Variants in CDH18 observed in about 807,000 individuals in gnomAD.
The protein encoded by CDH18 is cadherin 18, also known as cadherin-18.
Under a neutral mutation model 67.9 loss-of-function variants are expected in CDH18, and 31 were observed. That is an observed-to-expected ratio of 0.46 (90% CI 0.34 to 0.62). The LOEUF (loss-of-function observed/expected upper bound fraction) is 0.62. Among genes scored for constraint, CDH18 ranks in the 20% least tolerant of loss-of-function variants. The probability of loss-of-function intolerance (pLI) is 0.01; values close to 1 mark genes in which losing one functional copy is unlikely to be tolerated. For synonymous variants in CDH18, 362 were observed against 347.2 expected (o/e 1.04, Z -0.48); for missense variants, 890 against 975.5 (o/e 0.91, Z 1.17).
At chr5:19,661,067 A>G (rs1399922563) in intron 5 of CDH18, among the ~76,000 whole-genome samples, 1 of 152,054 alleles carries the variant, frequency 6.6e-6, no homozygotes, top group Non-Finnish European at 1.5e-5. Flanking sequence ...AAAACAAAAG[A>G]CAAAGATAAA....
At chr5:20,471,653 T>C (rs75865917) in intron 1 of CDH18, among the ~76,000 whole-genome samples, 6,833 of 151,078 alleles carry the variant, frequency 0.045, 162 homozygotes, top group Non-Finnish European at 0.052. Flanking sequence ...TACAAAAAAA[T>C]TAGCTGGGTA....
intron 2 of CDH18, among the ~76,000 whole-genome samples, chr5:20,032,211 T>C (rs1739462653): frequency 6.6e-6 from 1 of 151,450 alleles, no homozygotes; most frequent in African/African-American, 2.4e-5. Flanking sequence ...TGTGTATGTG[T>C]ATTATATATG....
At chr5:20,403,089 A>G (rs1348192394) in intron 1 of CDH18, among the ~76,000 whole-genome samples, 1 of 151,838 alleles carries the variant, frequency 6.6e-6, no homozygotes, top group Non-Finnish European at 1.5e-5. Context: ...AGGCTGAGGC[A>G]TGGTAATTGT....
At chr5:20,541,270 A>C (rs1757034155) in intron 1 of CDH18, among the ~76,000 whole-genome samples, 2 of 152,154 alleles carry the variant, frequency 1.3e-5, no homozygotes, top group South Asian at 2.1e-4. Context: ...GCCTACTTAG[A>C]AAGCTTTTTT....
rs145469360 is a variant in CDH18, at chr5:20,553,035, G to A, written c.-580+22427C>T. Reference sequence around the variant, plus strand: ...CCCAAAGTGCTGGGATTACAGGAGTGAGCCACCATGCCTGGCTTATCTTAG... The same window carrying A: ...CCCAAAGTGCTGGGATTACAGGAGTAAGCCACCATGCCTGGCTTATCTTAG... On this transcript the variant is annotated intron_variant, in intron 1 of 14. Transcript: ENST00000507958. Among the ~76,000 whole-genome samples the A allele has an allele frequency of 9.9e-3, 1,500 of 152,270 alleles. 20 individuals carry two copies. Among genetic ancestry groups the A allele is most frequent in the African/African-American group, 0.034 (1,401 of 41,578 alleles).
At chr5:20,317,441 C>T (rs571307927) in intron 1 of CDH18, among the ~76,000 whole-genome samples, 35 of 152,110 alleles carry the variant, frequency 2.3e-4, no homozygotes, top group African/African-American at 8.4e-4. Flanking sequence ...TTTGCTCTGG[C>T]TTTTGAAGAG....
intron 1 of CDH18, among the ~76,000 whole-genome samples, chr5:20,376,091 A>ATTTTTTTTTTTTTTTTT (rs562655039): frequency 0.028 from 1,404 of 49,706 alleles, 436 homozygotes; most frequent in African/African-American, 0.076. Context: ...AAAAGAAACA[A>ATTTTTTTTTTTTTTTTT]TTTTTTTTTT....
At chr5:20,451,152 T>C (rs1283647061) in intron 1 of CDH18, among the ~76,000 whole-genome samples, 1 of 152,230 alleles carries the variant, frequency 6.6e-6, no homozygotes, top group African/African-American at 2.4e-5. Flanking sequence ...TTTCTAATAG[T>C]AACATTTCTT....
intron 2 of CDH18, among the ~76,000 whole-genome samples, chr5:20,172,214 A>ATATATATATACGTGTATATATG (rs1736832749): frequency 6.1e-5 from 2 of 32,848 alleles, no homozygotes; most frequent in Admixed American, 3.1e-4. Flanking sequence ...ATATATATAT[A>ATATATATATACGTGTATATATG]TATATATATG....
rs543421962 is a variant in CDH18, at chr5:20,332,901, C to T, written c.-579-77396G>A. 1.5e-4 allele frequency among the ~76,000 whole-genome samples: 23 copies of T among 152,196 alleles called. No homozygotes were observed. In the East Asian group the frequency reaches 4.3e-3, roughly 28 times the overall value. On this transcript the variant is annotated intron_variant, in intron 1 of 14. Transcript: ENST00000507958. The stretch of plus-strand genomic sequence containing the variant: ...GCACACTCACATACACACCCACACT[C>T]ATGTAGACTGGGATATTTTAAACAT...
At chr5:19,986,223 G>A (rs77357478) in intron 1 of CDH18, among the ~76,000 whole-genome samples, 2,340 of 152,290 alleles carry the variant, frequency 0.015, 69 homozygotes, top group African/African-American at 0.05. Flanking sequence ...ATAATTTCCA[G>A]ATTGCACAAT....
intron 2 of CDH18, among the ~76,000 whole-genome samples, chr5:20,227,122 C>A (rs1040467742): frequency 6.6e-6 from 1 of 152,078 alleles, no homozygotes; most frequent in East Asian, 1.9e-4. Flanking sequence ...GTAACATCAA[C>A]ATACTCATGT....
chr5:19,675,837 T>A (rs1759412741), intron 5 of CDH18, among the ~76,000 whole-genome samples: 1 of 151,992 alleles, frequency 6.6e-6, no homozygotes, highest in African/African-American at 2.4e-5. Context: ...GTTCAGAGAT[T>A]GAAGTAAAGA....
chr5:20,363,519 G>C (rs919731915), intron 1 of CDH18, among the ~76,000 whole-genome samples: 1 of 146,574 alleles, frequency 6.8e-6, no homozygotes, highest in Non-Finnish European at 1.5e-5. Flanking sequence ...TCTCTGTTAC[G>C]TCCCATATTA....
chr5:20,422,493 A>G (rs1046737197), intron 1 of CDH18, among the ~76,000 whole-genome samples: 5 of 151,126 alleles, frequency 3.3e-5, no homozygotes, highest in Non-Finnish European at 5.9e-5. Flanking sequence ...TAAATTAATA[A>G]TGTAAGATAA....
At chr5:19,834,847 AT>A (rs1781444474) in intron 3 of CDH18, among the ~76,000 whole-genome samples, 1 of 152,104 alleles carries the variant, frequency 6.6e-6, no homozygotes, top group African/African-American at 2.4e-5. Context: ...GAGTTTTTAA[AT>A]TCTGAGTTCT....
chr5:19,883,931 C>T (rs1380369709), intron 2 of CDH18, among the ~76,000 whole-genome samples: 1 of 151,894 alleles, frequency 6.6e-6, no homozygotes, highest in Non-Finnish European at 1.5e-5. Flanking sequence ...TTATATTTTA[C>T]TTTCTGAAAC....
intron 1 of CDH18, among the ~76,000 whole-genome samples, chr5:20,368,673 A>G (rs1742719125): frequency 1.3e-5 from 2 of 152,154 alleles, no homozygotes; most frequent in South Asian, 4.1e-4. Context: ...TTTAGCTTTC[A>G]AATCTGAACA....
rs779824934 is a variant in CDH18, at chr5:19,747,203, C to T, written c.262G>A (p.Val88Ile). The T allele has an allele frequency of 6.2e-7, 1 of 1,613,938 alleles. No individual in the cohort carries two copies. Among genetic ancestry groups the T allele is most frequent in the South Asian group, 1.1e-5 (1 of 91,074 alleles). Residue 88 changes from valine to isoleucine, a missense_variant, in exon 4 of 13, where the codon GTC (valine) becomes ATC (isoleucine). Val to Ile is a conservative substitution (Grantham distance 29). Around this residue, in one of 2 missense-constraint regions of CDH18, gnomAD observed 234 missense variants for 307.4 expected, o/e 0.76. Transcript: ENST00000382275. ...HSNSDKGDGS[V>I]KYILTGEGAG... ...CCCTCTCCAGTAAGGATGTACTTGA[C>T]AGATCCATCACCTTTGTCAGAATTG...
Sources: allele counts gnomAD v4.1 joint callset (sites outside exome capture counted in the v4.1 genomes callset), GRCh38; gene constraint gnomAD v4.1.1; regional missense constraint gnomAD v4.1.1; transcripts MANE v1.5; gene names NCBI Gene and HGNC (gene_info 2026-07-23, HGNC 2026-07-21).